The following SVIL variants were observed in gnomAD, a reference collection of about 807,000 sequenced individuals.
The protein encoded by SVIL is supervillin, also known as archvillin.
In SVIL, 101 loss-of-function variants were observed where a neutral mutation model predicts 240.4. That is an observed-to-expected ratio of 0.42 (90% CI 0.36 to 0.50). SVIL has a LOEUF of 0.50. SVIL is among the 20% of genes least tolerant of loss of function. The probability of loss-of-function intolerance (pLI) is 0.01; values close to 1 mark genes in which losing one functional copy is unlikely to be tolerated. For missense variants in SVIL, 2,512 were observed against 2,818.7 expected (o/e 0.89, Z 2.46); for synonymous variants, 999 against 1,100.0 (o/e 0.91, Z 1.82).
At chr10:29,626,817 G>A (rs1957890492) in intron 1 of SVIL, among the ~76,000 whole-genome samples, 1 of 152,146 alleles carries the variant, frequency 6.6e-6, no homozygotes, top group South Asian at 2.1e-4. Flanking sequence ...GAGGTCAGGA[G>A]ATCAAGACCA....
In SVIL at chr10:29,488,708, C is replaced by G. The variant is rs144661370; in HGVS notation, c.4241G>C (p.Ser1414Thr). 1,964 of 1,612,898 alleles carry G rather than the reference C, an allele frequency of 1.2e-3. 8 individuals carry two copies. The highest frequency in any genetic ancestry group is 0.012 in the African/African-American group (882 of 75,010). ...GCTGACGTTGCTGAAGTTTTCTTTA[C>G]TGGCTAAACCCGCCAGGGTGACTTC... is the stretch of plus-strand genomic sequence containing the variant. ...FSEVTLAGLA[S>T]KENFSNVSLR... Residue 1414 changes from serine to threonine, a missense_variant, in exon 23 of 38, where the codon AGT becomes ACT. This residue lies in a region of SVIL where 272 missense variants were observed against 406.8 expected (regional missense o/e 0.67). Transcript: ENST00000355867.
At chr10:29,490,718 CT>C in intron 22 of SVIL, 128 bp downstream of exon 22, 1 of 1,161,322 alleles carries the variant, frequency 8.6e-7, no homozygotes. Flanking sequence ...AAACTTACTC[CT>C]TTTTACTTCA....
chr10:29,544,754 T>TAAAAAAAA (rs373279682), intron 6 of SVIL, among the ~76,000 whole-genome samples: 2 of 70,314 alleles, frequency 2.8e-5, no homozygotes, highest in Admixed American at 1.8e-4. Flanking sequence ...AGACCTTTTC[T>TAAAAAAAA]AAAAAAAAAA....
intron 2 of SVIL, among the ~76,000 whole-genome samples, chr10:29,682,846 A>G (rs1960773136): frequency 6.6e-6 from 1 of 152,198 alleles, no homozygotes; most frequent in Non-Finnish European, 1.5e-5. Context: ...AGAATGGTTA[A>G]TGGGGAGAGT....
rs548783922 is a variant in SVIL, at chr10:29,608,261, C to A, written c.-201+26159G>T. Among the ~76,000 whole-genome samples the A allele has an allele frequency of 4.9e-4, 75 of 152,354 alleles. 1 individual carries two copies. The South Asian group carries it at 0.014, about 29-fold the overall frequency. On this transcript the variant is annotated intron_variant, in intron 1 of 37. Transcript: ENST00000355867. ...GTGGGGTTGGCAATTACCTCTGCTG[C>A]AAAGTCCTCTGGTTGAGACACCAGG...
At chr10:29,503,558 T>A (rs1949058758) in intron 17 of SVIL, among the ~76,000 whole-genome samples, 1 of 152,250 alleles carries the variant, frequency 6.6e-6, no homozygotes, top group African/African-American at 2.4e-5. Context: ...AAAACACAGA[T>A]GAGCTAGTGC....
At chr10:29,548,069 A>C in intron 6 of SVIL, among the ~76,000 whole-genome samples, 1 of 152,208 alleles carries the variant, frequency 6.6e-6, no homozygotes, top group Non-Finnish European at 1.5e-5. Context: ...AAGGTGCTCA[A>C]AATGGATCCT....
intron 16 of SVIL, among the ~76,000 whole-genome samples, chr10:29,514,600 T>C (rs1950087251): frequency 6.6e-6 from 1 of 152,160 alleles, no homozygotes; most frequent in African/African-American, 2.4e-5. Flanking sequence ...CAGGGCAGTT[T>C]TGAACTCCTG....
At chr10:29,579,080 G>C (rs1255204566) in intron 1 of SVIL, among the ~76,000 whole-genome samples, 1 of 152,146 alleles carries the variant, frequency 6.6e-6, no homozygotes. Context: ...GTTTTCTTCA[G>C]AACAATGTGT....
chr10:29,647,981 A>C (rs896858763), intron 3 of SVIL, among the ~76,000 whole-genome samples: 36 of 151,490 alleles, frequency 2.4e-4, no homozygotes, highest in Non-Finnish European at 4.9e-4. Context: ...CAAAAAAAAA[A>C]AAAACAAAAA....
At chr10:29,673,593 G>C (rs931938733) in intron 2 of SVIL, among the ~76,000 whole-genome samples, 2 of 148,226 alleles carry the variant, frequency 1.3e-5, no homozygotes, top group Non-Finnish European at 3.0e-5. Flanking sequence ...GAGAGAGAGA[G>C]AGAGAGAGAG....
chr10:29,637,799 C>T (rs771316669), upstream of SVIL, among the ~76,000 whole-genome samples: 18 of 152,194 alleles, frequency 1.2e-4, no homozygotes, highest in African/African-American at 2.2e-4. Context: ...ATTATTAGTA[C>T]GTTCCACGAC....
In SVIL at chr10:29,471,374, A is replaced by G. The variant is rs543719510; in HGVS notation, c.5530-131T>C. 1.1e-4 allele frequency: 73 copies of G among 673,682 alleles called. No individual in the cohort carries two copies. The South Asian group carries it at 1.6e-3, about 14-fold the overall frequency. The allele number at this position is 673,682 out of a possible 1,614,324, so 41.7% of individuals were successfully genotyped here. A position where few individuals can be genotyped will look rare whatever the true frequency, so the allele number is the denominator to read the frequency against. ...AACAAAAGCCATTGCTAACACTACC[A>G]CCTAAAGAGAAGCTCTGCGAACGCT... On this transcript the variant is annotated intron_variant, in intron 30 of 37. Transcript: ENST00000355867.
Position 29,465,694 on chromosome 10 carries a change from C to T in SVIL, c.6034G>A (p.Asp2012Asn), listed in dbSNP as rs376172339. 4.5e-5 allele frequency: 72 copies of T among 1,613,194 alleles called. 1 individual carries two copies. In the East Asian group the frequency reaches 8.2e-4, roughly 18 times the overall value. The change falls in exon 34 of 38, where the codon GAT becomes AAT. Residue 2012 changes from aspartate to asparagine, a missense_variant. Coordinates refer to ENST00000355867, the MANE Select transcript of SVIL (RefSeq NM_021738.3). ...TACACAAACTCTGTGGCTGCAAAAT[C>T]CCCAGAGGAGCTGCTGAGGATGAAC... ...RLFILSSSSGDFAATEFVYPA... is the reference protein window; with the variant it reads ...RLFILSSSSGNFAATEFVYPA...
chr10:29,552,797 A>G (rs913629451), intron 5 of SVIL, among the ~76,000 whole-genome samples: 7 of 152,150 alleles, frequency 4.6e-5, no homozygotes, highest in Non-Finnish European at 8.8e-5. Context: ...GAAGAGAGAT[A>G]TGCCTCTTCC....
intron 3 of SVIL, among the ~76,000 whole-genome samples, chr10:29,559,850 A>G (rs1435907508): frequency 6.6e-6 from 1 of 152,248 alleles, no homozygotes; most frequent in Non-Finnish European, 1.5e-5. Flanking sequence ...AATACTTCAT[A>G]AAGTTATTTA....
At chr10:29,524,325 T>C in intron 14 of SVIL, 147 bp downstream of exon 14, 1 of 1,314,472 alleles carries the variant, frequency 7.6e-7, no homozygotes, top group Non-Finnish European at 1.0e-6. Flanking sequence ...TTCTCATTTT[T>C]AGGAAGAAAG....
intron 1 of SVIL, among the ~76,000 whole-genome samples, chr10:29,718,925 C>G (rs1358987154): frequency 1.3e-5 from 2 of 152,136 alleles, no homozygotes; most frequent in Non-Finnish European, 2.9e-5. Flanking sequence ...GCCTGGCCAA[C>G]ATGGTGAAAC....
intron 2 of SVIL, among the ~76,000 whole-genome samples, chr10:29,563,605 T>C (rs1954704373): frequency 6.6e-6 from 1 of 152,178 alleles, no homozygotes; most frequent in Non-Finnish European, 1.5e-5. Context: ...GACCTAAGAA[T>C]AGCTGTGCAA....
Sources: gnomAD v4.1 joint callset for allele counts (sites outside exome capture counted in the v4.1 genomes callset) on GRCh38, gnomAD v4.1.1 for gene constraint, gnomAD v4.1.1 regional missense constraint, MANE v1.5 for transcripts, NCBI Gene and HGNC (gene_info 2026-07-23, HGNC 2026-07-21) for gene names.